Variants in CNIH3 observed in about 807,000 individuals in gnomAD.
CNIH3 encodes cornichon family AMPA receptor auxiliary protein 3, also known as protein cornichon homolog 3.
CNIH3 carries 14 observed loss-of-function variants against 24.1 expected under a neutral mutation model. That is an observed-to-expected ratio of 0.58 (90% CI 0.38 to 0.91). The LOEUF is 0.91. Ranked by LOEUF, CNIH3 falls within the 40% of genes least tolerant of loss-of-function variation. The probability of loss-of-function intolerance (pLI) is 0.00; values close to 1 mark genes in which losing one functional copy is unlikely to be tolerated. For synonymous variants in CNIH3, 68 were observed against 73.8 expected, an observed-to-expected ratio of 0.92 and a Z score of 0.40; for missense variants, 178 against 196.8, an observed-to-expected ratio of 0.90 and a Z score of 0.57.
At chr1:224,486,502 G>T (rs1208060864) in intron 1 of CNIH3, among the ~76,000 whole-genome samples, 1 of 152,092 alleles carries the variant, frequency 6.6e-6, no homozygotes, top group African/African-American at 2.4e-5. Context: ...TTTCATCTAG[G>T]TTTATATTCC....
At chr1:224,639,550 A>T (rs1049019308) in intron 1 of CNIH3, among the ~76,000 whole-genome samples, 1 of 152,250 alleles carries the variant, frequency 6.6e-6, no homozygotes, top group African/African-American at 2.4e-5. Context: ...GAGCCAGAAC[A>T]TGTTTGGTTC....
At chr1:224,475,063 A>AAG (rs1676526113) in intron 1 of CNIH3, among the ~76,000 whole-genome samples, 1 of 149,464 alleles carries the variant, frequency 6.7e-6, no homozygotes. Flanking sequence ...AAGAAAAAAA[A>AAG]AAAAGAAAAT....
At chr1:224,603,896 T>C (rs929342202) in intron 3 of CNIH3, among the ~76,000 whole-genome samples, 10 of 152,324 alleles carry the variant, frequency 6.6e-5, no homozygotes, top group Non-Finnish European at 1.5e-4. Context: ...CCACAGTTGG[T>C]TGTCTCTTTA....
At chr1:224,577,518 T>G (rs1312504489) in intron 4 of CNIH3, among the ~76,000 whole-genome samples, 1 of 151,936 alleles carries the variant, frequency 6.6e-6, no homozygotes, top group Non-Finnish European at 1.5e-5. Context: ...ACCAACTTAC[T>G]CCTGCATTTG....
In CNIH3 at chr1:224,665,430, C is replaced by T. The variant is rs116714599; in HGVS notation, c.82-15528C>T. On this transcript the variant is annotated intron_variant, in intron 1 of 5. Coordinates refer to ENST00000272133, the MANE Select transcript of CNIH3 (RefSeq NM_152495.2). ...GTTTTATATTTGCTCATTTAACATT[C>T]GTTGCAAGCACTGGGCCAAGGATAT... Among the ~76,000 whole-genome samples the T allele has an allele frequency of 5.7e-3, 872 of 152,322 alleles. 14 individuals are homozygous for T. The highest frequency in any genetic ancestry group is 0.02 in the African/African-American group (822 of 41,572).
intron 1 of CNIH3, among the ~76,000 whole-genome samples, chr1:224,503,869 C>T (rs1462573013): frequency 6.6e-6 from 1 of 152,262 alleles, no homozygotes; most frequent in Admixed American, 6.5e-5. Flanking sequence ...CCACAGCAAC[C>T]ACAGGCTCTG....
At chr1:224,499,392 C>A (rs1677564367) in intron 1 of CNIH3, among the ~76,000 whole-genome samples, 1 of 152,172 alleles carries the variant, frequency 6.6e-6, no homozygotes, top group South Asian at 2.1e-4. Flanking sequence ...GCCATGTGGA[C>A]ATCTGGAGAT....
chr1:224,471,042 T>TTTTG lies in CNIH3; in HGVS notation n.203+36200_203+36203dup, dbSNP rs200750410. 3.7e-3 allele frequency among the ~76,000 whole-genome samples: 570 copies of TTTTG among 152,176 alleles called. 4 individuals are homozygous for TTTTG. The highest frequency in any genetic ancestry group is 0.013 in the African/African-American group (530 of 41,512). ...TCGTTGTGCTAGCAAATACTAGGTT[T>TTTTG]TTTGTTTGTTTGTTTGTTTGTTTTA... On this transcript the variant is annotated intron_variant and non_coding_transcript_variant, in intron 1 of 5. Transcript: ENST00000471578.
chr1:224,714,644 G>T (rs920925835), intron 3 of CNIH3, among the ~76,000 whole-genome samples: 1 of 152,322 alleles, frequency 6.6e-6, no homozygotes, highest in African/African-American at 2.4e-5. Context: ...GTTAGGCCCT[G>T]AATAATGTCT....
intron 2 of CNIH3, among the ~76,000 whole-genome samples, chr1:224,522,824 C>G (rs945496910): frequency 3.3e-5 from 5 of 152,156 alleles, no homozygotes; most frequent in African/African-American, 9.7e-5. Context: ...TATAAAGAGG[C>G]CCACATACTT....
intron 3 of CNIH3, among the ~76,000 whole-genome samples, chr1:224,690,546 T>A (rs1208042338): frequency 6.6e-6 from 1 of 152,204 alleles, no homozygotes; most frequent in Non-Finnish European, 1.5e-5. Flanking sequence ...GATTTTGAGT[T>A]AGATTGAGGC....
At chr1:224,477,515 A>C (rs566738360) in intron 1 of CNIH3, among the ~76,000 whole-genome samples, 5 of 152,356 alleles carry the variant, frequency 3.3e-5, no homozygotes, top group Non-Finnish European at 7.4e-5. Flanking sequence ...AACAAGCAAA[A>C]AACAAATGAA....
At chr1:224,488,362 C>T (rs1677108259) in intron 1 of CNIH3, among the ~76,000 whole-genome samples, 1 of 150,812 alleles carries the variant, frequency 6.6e-6, no homozygotes, top group African/African-American at 2.4e-5. Flanking sequence ...TCGCTCTGAT[C>T]TTTAAATTAG....
intron 1 of CNIH3, among the ~76,000 whole-genome samples, chr1:224,518,866 A>T (rs953195672): frequency 1.3e-5 from 2 of 152,294 alleles, no homozygotes; most frequent in Non-Finnish European, 1.5e-5. Context: ...CTTCATATGG[A>T]GGAATAGTGG....
intron 1 of CNIH3, among the ~76,000 whole-genome samples, chr1:224,496,112 C>G (rs1460095173): frequency 6.6e-6 from 1 of 152,198 alleles, no homozygotes; most frequent in Non-Finnish European, 1.5e-5. Flanking sequence ...GTTGTCTCAG[C>G]CTCTCTGCCA....
At chr1:224,731,967 A>C (rs538262279) in intron 4 of CNIH3, among the ~76,000 whole-genome samples, 1 of 152,318 alleles carries the variant, frequency 6.6e-6, no homozygotes, top group African/African-American at 2.4e-5. Context: ...AAATGATTTG[A>C]TGGGGAAGGT....
At chr1:224,733,352 A>G (rs1327406108) in intron 4 of CNIH3, among the ~76,000 whole-genome samples, 1 of 152,186 alleles carries the variant, frequency 6.6e-6, no homozygotes, top group Non-Finnish European at 1.5e-5. Context: ...TTCTGCCTCC[A>G]CTTAATGAGG....
chr1:224,627,804 A>G lies in CNIH3; in HGVS notation c.81+10549A>G, dbSNP rs112140818. Among the ~76,000 whole-genome samples the G allele has an allele frequency of 9.7e-3, 1,479 of 152,214 alleles. 29 individuals carry two copies. The highest frequency in any genetic ancestry group is 0.033 in the African/African-American group (1,377 of 41,524). On this transcript the variant is annotated intron_variant, in intron 1 of 5. Transcript: ENST00000272133. ...GTCAGAGGGAATGGCTTCTCTCTCC[A>G]GGGGGCTGCCTGCTTTCTGCCACTG...
intron 4 of CNIH3, among the ~76,000 whole-genome samples, chr1:224,580,549 A>T (rs906466959): frequency 9.2e-5 from 14 of 152,194 alleles, no homozygotes; most frequent in African/African-American, 3.4e-4. Context: ...CATGTTACAC[A>T]TGAAAAGGAG....
Sources: gnomAD v4.1 joint callset for allele counts (sites outside exome capture counted in the v4.1 genomes callset) on GRCh38, gnomAD v4.1.1 for gene constraint, MANE v1.5 for transcripts, NCBI Gene and HGNC (gene_info 2026-07-23, HGNC 2026-07-21) for gene names.